MTAP: variants seen among roughly 807,000 people sequenced by gnomAD.
MTAP encodes the protein S-methyl-5'-thioadenosine phosphorylase.
In MTAP, 33 loss-of-function variants were observed where a neutral mutation model predicts 33.6. The ratio of observed to expected loss-of-function variants is 0.98; its 90% confidence interval spans 0.74 to 1.31. The LOEUF (loss-of-function observed/expected upper bound fraction) is 1.31, where lower values mean the gene tolerates loss of function less well. Among genes scored for constraint, MTAP ranks in the 40% most tolerant of loss-of-function variants. The pLI is 0.00. For synonymous variants in MTAP, 148 were observed against 125.7 expected (o/e 1.18, Z -1.19); for missense variants, 367 against 360.0 (o/e 1.02, Z -0.16).
At chr9:21,937,262 C>T (rs1819055746) in exon 8 of MTAP, 1 of 152,058 alleles carries the variant, frequency 6.6e-6, no homozygotes, top group Admixed American at 6.6e-5. Flanking sequence ...TCGCATGAAC[C>T]CAGGAGGCAG....
At chr9:21,820,414 T>G (rs974877105) in intron 4 of MTAP, among the ~76,000 whole-genome samples, 24 of 152,184 alleles carry the variant, frequency 1.6e-4, no homozygotes, top group Admixed American at 1.1e-3. Flanking sequence ...TTTCCCCATT[T>G]CTTGTTTTTG....
chr9:21,864,441 T>A lies in MTAP; in HGVS notation c.*2427T>A, dbSNP rs1401556090. 4.1e-6 allele frequency: 4 copies of A among 985,304 alleles called. No homozygotes were observed. Among genetic ancestry groups the A allele is most frequent in the Middle Eastern group, 5.2e-4 (1 of 1,936 alleles). 61.0% of individuals were successfully genotyped at this position (985,304 alleles called of 1,614,324 possible). A position where few individuals can be genotyped will look rare whatever the true frequency, so the allele number is the denominator to read the frequency against. On this transcript the variant is annotated 3_prime_UTR_variant, in exon 8 of 8. Coordinates refer to ENST00000644715, the MANE Select transcript of MTAP (RefSeq NM_002451.4). The stretch of plus-strand genomic sequence containing the variant: ...TTCCGCAAAGGATGGATGGTGAGCA[T>A]CATGGGAAAGCTGTAGTTTAGTGAC...
downstream of MTAP, among the ~76,000 whole-genome samples, chr9:21,871,610 A>T (rs1450966030): frequency 2.0e-5 from 3 of 152,194 alleles, no homozygotes; most frequent in African/African-American, 7.2e-5. Context: ...CTATATATAC[A>T]TATATGTATT....
intron 4 of MTAP, among the ~76,000 whole-genome samples, chr9:21,818,653 G>GT (rs937160874): frequency 1.3e-5 from 2 of 152,006 alleles, no homozygotes; most frequent in Non-Finnish European, 2.9e-5. Context: ...GTGAGTTTTT[G>GT]TTTTTTAATT....
chr9:21,864,140 C>T lies in MTAP; in HGVS notation c.*2126C>T. ...TGCTATGTTCAGAAAGTACAGTTCT[C>T]TCCAACTTGCAGAGGTACTTTTCTT... On this transcript the variant is annotated 3_prime_UTR_variant, in exon 8 of 8. Transcript: ENST00000644715. 1.0e-6 allele frequency: 1 copy of T among 985,458 alleles called. No individual in the cohort carries two copies. Among genetic ancestry groups the T allele is most frequent in the Non-Finnish European group, 1.2e-6 (1 of 829,936 alleles). The allele number at this position is 985,458 out of a possible 1,614,324, so 61.0% of individuals were successfully genotyped here. A position where few individuals can be genotyped will look rare whatever the true frequency, so the allele number is the denominator to read the frequency against.
At chr9:21,911,509 G>A (rs199979322) in intron 1 of MTAP, among the ~76,000 whole-genome samples, 2 of 152,116 alleles carry the variant, frequency 1.3e-5, no homozygotes, top group African/African-American at 2.4e-5. Context: ...GTAAACTGAA[G>A]AACCTGCTCC....
At chr9:21,826,600 G>C (rs7044262) in intron 4 of MTAP, among the ~76,000 whole-genome samples, 2 of 127,214 alleles carry the variant, frequency 1.6e-5, no homozygotes, top group Non-Finnish European at 3.2e-5. Context: ...CAGAGGTGCT[G>C]GGGTTTTGTT....
At chr9:21,827,507 T>G (rs894579567) in intron 4 of MTAP, among the ~76,000 whole-genome samples, 1 of 152,222 alleles carries the variant, frequency 6.6e-6, no homozygotes, top group African/African-American at 2.4e-5. Flanking sequence ...ATATCAGCAG[T>G]TTCATGTGGT....
intron 7 of MTAP, 48 bp from the exon 8 acceptor site, chr9:21,861,928 G>T: frequency 1.9e-6 from 2 of 1,046,878 alleles, no homozygotes; most frequent in Non-Finnish European, 3.0e-6. Context: ...AAACATCTCA[G>T]TAATTACGCC....
intron 5 of MTAP, among the ~76,000 whole-genome samples, chr9:21,845,205 T>A (rs758120120): frequency 2.0e-5 from 3 of 151,776 alleles, no homozygotes; most frequent in Non-Finnish European, 4.4e-5. Flanking sequence ...GAGAAAGAAA[T>A]AAAGGGTAAA....
intron 1 of MTAP, among the ~76,000 whole-genome samples, chr9:21,902,201 T>C (rs1164201759): frequency 6.6e-6 from 1 of 152,218 alleles, no homozygotes; most frequent in African/African-American, 2.4e-5. Flanking sequence ...TGTTTTAGAA[T>C]TGGTCTGGAG....
intron 1 of MTAP, among the ~76,000 whole-genome samples, chr9:21,874,259 C>G (rs895632344): frequency 6.6e-5 from 10 of 152,170 alleles, no homozygotes; most frequent in African/African-American, 2.4e-5. Context: ...CTGTTCACCT[C>G]CGACGTTATT....
At chr9:21,816,868 A>T (rs1457040640) in intron 3 of MTAP, 96 bp downstream of exon 3, 1 of 1,003,250 alleles carries the variant, frequency 1.0e-6, no homozygotes. Context: ...CTGAGCTTTT[A>T]TATGTTGGCA....
chr9:21,879,697 C>T (rs997683722), intron 1 of MTAP, among the ~76,000 whole-genome samples: 1 of 152,066 alleles, frequency 6.6e-6, no homozygotes, highest in Non-Finnish European at 1.5e-5. Flanking sequence ...ATATAGTGCT[C>T]CTTTCAAGAT....
rs558995271 is a variant in MTAP at position 21,809,781 on chromosome 9, T to A, written c.34-5652T>A. On this transcript the variant is annotated intron_variant, in intron 1 of 7. Coordinates refer to ENST00000644715, the MANE Select transcript of MTAP (RefSeq NM_002451.4). ...ATCAGAATCCCTGAGGCCTGGGCTT[T>A]GGTATTGAAAGCTAGAGAAGGGGAA... 3.1e-4 allele frequency among the ~76,000 whole-genome samples: 47 copies of A among 152,322 alleles called. No homozygotes were observed. In the South Asian group the frequency reaches 9.7e-3, roughly 32 times the overall value.
chr9:21,804,584 G>A (rs1036187081), intron 1 of MTAP, among the ~76,000 whole-genome samples: 8 of 152,186 alleles, frequency 5.3e-5, no homozygotes, highest in Admixed American at 2.6e-4. Context: ...CAGCTTTGCC[G>A]TAGAGATTCC....
chr9:21,867,964 C>G (rs570747601), downstream of MTAP, among the ~76,000 whole-genome samples: 74 of 152,094 alleles, frequency 4.9e-4, no homozygotes, highest in Middle Eastern at 0.01. Flanking sequence ...TGTTTATGCA[C>G]CAGTATGGAA....
chr9:21,909,636 T>C (rs140003813), intron 1 of MTAP, among the ~76,000 whole-genome samples: 25 of 152,252 alleles, frequency 1.6e-4, no homozygotes, highest in African/African-American at 6.0e-4. Flanking sequence ...GCCCATTCAG[T>C]GTAGAATCTA....
At chr9:21,925,313 A>T (rs537759839) in intron 1 of MTAP, among the ~76,000 whole-genome samples, 56 of 152,304 alleles carry the variant, frequency 3.7e-4, no homozygotes, top group African/African-American at 1.3e-3. Flanking sequence ...ACTGGTCCTG[A>T]AGGACCATTT....
Sources: gnomAD v4.1 joint callset for allele counts (sites outside exome capture counted in the v4.1 genomes callset) on GRCh38, gnomAD v4.1.1 for gene constraint, MANE v1.5 for transcripts, NCBI Gene and HGNC (gene_info 2026-07-23, HGNC 2026-07-21) for gene names.